The following CCDC88C variants were observed in gnomAD, a reference collection of about 807,000 sequenced individuals.
CCDC88C encodes coiled-coil and HOOK domain protein 88C, also known as protein Daple.
Under a neutral mutation model 198.8 loss-of-function variants are expected in CCDC88C, and 131 were observed. The observed-to-expected ratio is 0.66, with a 90% CI of 0.57 to 0.76. The LOEUF (loss-of-function observed/expected upper bound fraction) is 0.76. Among genes scored for constraint, CCDC88C ranks in the 30% least tolerant of loss-of-function variants. CCDC88C has a pLI of 0.00. For synonymous variants in CCDC88C, 1,166 were observed against 1,114.7 expected, an observed-to-expected ratio of 1.05 and a Z score of -0.92; for missense variants, 2,553 against 2,631.6, an observed-to-expected ratio of 0.97 and a Z score of 0.65.
At position 91,350,163 on chromosome 14, in the gene CCDC88C, C is replaced by CTT. The variant is rs761445863; in HGVS notation, c.341-6508_341-6507dup. Among the ~76,000 whole-genome samples, 13 of 144,358 alleles carry CTT rather than the reference C, an allele frequency of 9.0e-5. No individual in the cohort carries two copies. The East Asian group carries it at 1.6e-3, about 18-fold the overall frequency. The allele number at this position is 144,358 out of a possible 152,430, so 94.7% of individuals were successfully genotyped here. On this transcript the variant is annotated intron_variant, in intron 4 of 29. Transcript: ENST00000389857. ...TAGTCATGCACATGTTCAGAAGACACTTTTTTTTTTTTTTGGAGACAGAGT... is the reference window on the plus strand; with the variant it reads ...TAGTCATGCACATGTTCAGAAGACACTTTTTTTTTTTTTTTTGGAGACAGAGT...
intron 15 of CCDC88C, among the ~76,000 whole-genome samples, chr14:91,311,719 T>C (rs1891834519): frequency 6.6e-6 from 1 of 152,196 alleles, no homozygotes; most frequent in Admixed American, 6.5e-5. Flanking sequence ...CCCAGCATAC[T>C]AAACAAATGC....
chr14:91,372,565 T>G (rs1894865044), intron 3 of CCDC88C, among the ~76,000 whole-genome samples: 8 of 126,512 alleles, frequency 6.3e-5, no homozygotes, highest in African/African-American at 1.0e-4. Flanking sequence ...CGTGTGTTAG[T>G]GCAGGGAGGG....
Position 91,371,541 on chromosome 14 carries a change from G to A in CCDC88C, c.271-11830C>T, listed in dbSNP as rs527404879. ...AGACCAAGACCACAGTCTTGGTCCC[G>A]AGGAGCCTGTGGAGTCACAGACTGG... On this transcript the variant is annotated intron_variant, in intron 3 of 29. Coordinates refer to ENST00000389857, the MANE Select transcript of CCDC88C (RefSeq NM_001080414.4). This position sits in a 1 kb window ranked among gnomAD's most constrained non-coding sequence, Gnocchi z 4.2. Among the ~76,000 whole-genome samples the A allele has an allele frequency of 6.6e-6, 1 of 152,178 alleles. No homozygotes were observed. Among genetic ancestry groups the A allele is most frequent in the East Asian group, 1.9e-4 (1 of 5,164 alleles).
intron 3 of CCDC88C, chr14:91,408,385 A>C (rs1886619800): frequency 2.8e-6 from 1 of 356,094 alleles, no homozygotes; most frequent in African/African-American, 2.1e-5. Context: ...CTCGGGGCAG[A>C]GGCTGCAAAC....
intron 3 of CCDC88C, chr14:91,384,545 C>G (rs1885011560): frequency 4.0e-6 from 2 of 498,236 alleles, no homozygotes; most frequent in Admixed American, 2.1e-5. Flanking sequence ...TAATCATCAC[C>G]CCATCTCTTA....
At chr14:91,406,440 T>C (rs991339427) in intron 3 of CCDC88C, among the ~76,000 whole-genome samples, 1 of 152,212 alleles carries the variant, frequency 6.6e-6, no homozygotes, top group Non-Finnish European at 1.5e-5. Flanking sequence ...TGCCCAGTGC[T>C]ATACCACTGG....
chr14:91,279,533 C>T lies in CCDC88C; in HGVS notation c.4700-227G>A. On this transcript the variant is annotated intron_variant, in intron 27 of 29. Transcript: ENST00000389857. Reference sequence around the variant, plus strand: ...GCAGCCATCAACAGATGATACTCTGCTTATCTACATTTATGAGGCCTGGGG... The same window carrying T: ...GCAGCCATCAACAGATGATACTCTGTTTATCTACATTTATGAGGCCTGGGG... 6 of 431,226 alleles carry T rather than the reference C, an allele frequency of 1.4e-5. No homozygotes were observed. The South Asian group carries it at 2.6e-4, about 18-fold the overall frequency. The allele number at this position is 431,226 out of a possible 1,614,324, so 26.7% of individuals were successfully genotyped here.
In CCDC88C at chr14:91,277,984, T is replaced by C. The variant is rs1567045794; in HGVS notation, c.4996A>G (p.Ser1666Gly). 6.4e-7 allele frequency: 1 copy of C among 1,564,856 alleles called. No homozygotes were observed. The highest frequency in any genetic ancestry group is 8.7e-7 in the Non-Finnish European group (1 of 1,152,358). Residue 1666 changes from serine to glycine, a missense_variant, in exon 29 of 30, where the codon AGC becomes GGC. Coordinates refer to ENST00000389857, the MANE Select transcript of CCDC88C (RefSeq NM_001080414.4). ...TCCTCCAAGGTGACCATCTCACTGC[T>C]GGGGGAGGCCGAGCAGGGCCGCACT... ...VGVRPCSASP[S>G]SEMVTLEEFL...
In CCDC88C at chr14:91,272,423, AAC is replaced by A. The variant is rs1256524828; in HGVS notation, c.*200_*201del. 8 of 574,478 alleles carry A rather than the reference AAC, an allele frequency of 1.4e-5. No individual in the cohort carries two copies. Among genetic ancestry groups the A allele is most frequent in the Non-Finnish European group, 2.4e-5 (8 of 332,568 alleles). The allele number at this position is 574,478 out of a possible 1,614,324, so 35.6% of individuals were successfully genotyped here. A position where few individuals can be genotyped will look rare whatever the true frequency, so the allele number is the denominator to read the frequency against. On this transcript the variant is annotated 3_prime_UTR_variant, in exon 30 of 30. Coordinates refer to ENST00000389857, the MANE Select transcript of CCDC88C (RefSeq NM_001080414.4). ...GCTGCTGGAAGCGGCAGACACAGAA[AAC>A]ACGTTACACACCTGGAAGCGTAATC...
intron 14 of CCDC88C, among the ~76,000 whole-genome samples, chr14:91,314,809 G>C (rs572348050): frequency 8.3e-4 from 126 of 152,216 alleles, no homozygotes; most frequent in South Asian, 1.7e-3. Flanking sequence ...TCTTCTCTGG[G>C]CTTTTTATTC....
In CCDC88C at chr14:91,307,229, A is replaced by AC; in HGVS notation, c.3007-4dup. ...AGGGTCTCACACTCCTTCTTTAGCT[A>AC]CAGGTGTGACAATAAGCAAGGAGGC... is the stretch of plus-strand genomic sequence containing the variant. On this transcript the variant is annotated splice_polypyrimidine_tract_variant and splice_region_variant and intron_variant, in intron 17 of 29. Coordinates refer to ENST00000389857, the MANE Select transcript of CCDC88C (RefSeq NM_001080414.4). 6.2e-7 allele frequency: 1 copy of AC among 1,612,456 alleles called. No homozygotes were observed.
Position 91,383,205 on chromosome 14 carries a change from GTCACCCCCTCGAACCCTGGC to G in CCDC88C, c.271-23514_271-23495del, listed in dbSNP as rs561727239. Among the ~76,000 whole-genome samples, 778 of 152,352 alleles carry G rather than the reference GTCACCCCCTCGAACCCTGGC, an allele frequency of 5.1e-3. 3 individuals carry two copies. The highest frequency in any genetic ancestry group is 9.0e-3 in the Non-Finnish European group (611 of 68,026). ...GAAGCTGCTTCTCAAAGGTAAGAGAGTCACCCCCTCGAACCCTGGCTCTGCCAGGCCTGGAGTGCCCAGGG... is the reference window on the plus strand; with the variant it reads ...GAAGCTGCTTCTCAAAGGTAAGAGAGTCTGCCAGGCCTGGAGTGCCCAGGG... On this transcript the variant is annotated intron_variant, in intron 3 of 29. Transcript: ENST00000389857.
chr14:91,351,288 CTG>C (rs1474927058), intron 4 of CCDC88C, among the ~76,000 whole-genome samples: 1 of 152,190 alleles, frequency 6.6e-6, no homozygotes, highest in African/African-American at 2.4e-5. Context: ...GCTCACGAGG[CTG>C]TCACAGTGAT....
intron 12 of CCDC88C, among the ~76,000 whole-genome samples, chr14:91,322,341 T>A (rs902495634): frequency 3.3e-5 from 5 of 152,172 alleles, no homozygotes; most frequent in Admixed American, 6.5e-5. Context: ...TGAGTCTTCA[T>A]CCTCTACCAA....
chr14:91,273,410 G>C lies in CCDC88C; in HGVS notation c.5302C>G (p.Pro1768Ala), dbSNP rs751070034. The C allele has an allele frequency of 1.5e-5, 23 of 1,554,030 alleles. No homozygotes were observed. Among genetic ancestry groups the C allele is most frequent in the East Asian group, 4.6e-5 (2 of 43,780 alleles). ...TEAEAPPSVA[P>A]RQAQPPQSLS... ...CTCTGGGGAGGCTGGGCCTGTCTCG[G>C]GGCCACGCTGGGTGGGGCCTCGGCC... The change falls in exon 30 of 30, where the codon CCG becomes GCG. Residue 1768 changes from proline to alanine, a missense_variant. Coordinates refer to ENST00000389857, the MANE Select transcript of CCDC88C (RefSeq NM_001080414.4). The surrounding 1 kb of genome is among the most constrained non-coding windows in gnomAD (Gnocchi z 5.6).
intron 3 of CCDC88C, among the ~76,000 whole-genome samples, chr14:91,386,640 T>C (rs528904130): frequency 6.6e-6 from 1 of 152,322 alleles, no homozygotes; most frequent in South Asian, 2.1e-4. Context: ...AATCTGTGTG[T>C]TTTCTGCTCA....
chr14:91,318,811 G>A (rs1488778319), intron 13 of CCDC88C, among the ~76,000 whole-genome samples: 2 of 151,504 alleles, frequency 1.3e-5, no homozygotes, highest in East Asian at 3.9e-4. Context: ...CCAGCTACTT[G>A]GGAGGCCGAG....
intron 3 of CCDC88C, among the ~76,000 whole-genome samples, chr14:91,364,768 C>T (rs58116794): frequency 0.04 from 6,033 of 152,282 alleles, 387 homozygotes; most frequent in African/African-American, 0.14. Context: ...GAAGGTGGCC[C>T]AGAGCATGCT....
intron 29 of CCDC88C, 28 bp downstream of exon 29, chr14:91,277,894 G>C: frequency 6.8e-7 from 1 of 1,460,940 alleles, no homozygotes; most frequent in South Asian, 1.4e-5. Context: ...GAAGAGAGAC[G>C]GGCCAAGTCC....
Sources: allele counts gnomAD v4.1 joint callset (sites outside exome capture counted in the v4.1 genomes callset), GRCh38; gene constraint gnomAD v4.1.1; non-coding constraint Gnocchi (gnomAD v3.1); transcripts MANE v1.5; gene names NCBI Gene and HGNC (gene_info 2026-07-23, HGNC 2026-07-21).